Variants in PLPP1 observed in about 807,000 individuals in gnomAD.
The protein encoded by PLPP1 is lipid phosphate phosphohydrolase 1a.
A neutral mutation model predicts 31.2 loss-of-function variants in PLPP1; 24 were observed. That is an observed-to-expected ratio of 0.77 (90% CI 0.56 to 1.08). The LOEUF (loss-of-function observed/expected upper bound fraction) is 1.08, where lower values mean the gene tolerates loss of function less well. Among genes scored for constraint, PLPP1 ranks in the 50% least tolerant of loss-of-function variants. The pLI, the probability that PLPP1 is intolerant of heterozygous loss-of-function variation, is 0.00. For missense variants in PLPP1, 319 were observed against 342.7 expected (o/e 0.93, Z 0.55); for synonymous variants, 146 against 126.3 (o/e 1.16, Z -1.05).
chr5:55,485,132 G>A (rs886282415), intron 1 of PLPP1: 1 of 152,124 alleles, frequency 6.6e-6, no homozygotes, highest in African/African-American at 2.4e-5. Context: ...TACTGAACCT[G>A]ACAGAGTCAC....
At chr5:55,427,778 G>T (rs553228412) in intron 4 of PLPP1, among the ~76,000 whole-genome samples, 18 of 150,924 alleles carry the variant, frequency 1.2e-4, no homozygotes, top group African/African-American at 4.1e-4. Flanking sequence ...ACTTTTTTGG[G>T]GGGGGGGATG....
intron 1 of PLPP1, among the ~76,000 whole-genome samples, chr5:55,513,672 G>C (rs1293552398): frequency 6.6e-6 from 1 of 152,180 alleles, no homozygotes. Context: ...AGGAGTGGTG[G>C]CTAATGCCTG....
intron 1 of PLPP1, among the ~76,000 whole-genome samples, chr5:55,481,803 T>G (rs1752671875): frequency 6.6e-6 from 1 of 152,104 alleles, no homozygotes; most frequent in East Asian, 1.9e-4. Flanking sequence ...AAATTGCTCA[T>G]AAGAATTGAG....
chr5:55,435,138 G>GA (rs1231935740), intron 4 of PLPP1, among the ~76,000 whole-genome samples: 1 of 152,138 alleles, frequency 6.6e-6, no homozygotes, highest in Non-Finnish European at 1.5e-5. Context: ...ATAGGTATAT[G>GA]AAAAAATTCT....
chr5:55,466,146 T>C (rs1273402893), intron 3 of PLPP1, among the ~76,000 whole-genome samples: 2 of 152,194 alleles, frequency 1.3e-5, no homozygotes, highest in Non-Finnish European at 2.9e-5. Context: ...CCTCCTTCAT[T>C]AAGACTTTAC....
intron 1 of PLPP1, among the ~76,000 whole-genome samples, chr5:55,520,282 G>C (rs1192334142): frequency 2.0e-5 from 3 of 152,202 alleles, no homozygotes; most frequent in Non-Finnish European, 4.4e-5. Context: ...TTCCCATCAT[G>C]ATCTGGGCAC....
At chr5:55,518,390 T>G (rs886617541) in intron 1 of PLPP1, among the ~76,000 whole-genome samples, 1 of 151,482 alleles carries the variant, frequency 6.6e-6, no homozygotes, top group Non-Finnish European at 1.5e-5. Flanking sequence ...AAAAAAAAAA[T>G]TGACACCCAG....
At chr5:55,444,788 T>C (rs986741133) in intron 3 of PLPP1, among the ~76,000 whole-genome samples, 1 of 122,166 alleles carries the variant, frequency 8.2e-6, no homozygotes, top group Admixed American at 8.6e-5. Context: ...TCTCGCTCTG[T>C]TACCCAGGCT....
chr5:55,470,907 G>A (rs899295843), intron 2 of PLPP1, among the ~76,000 whole-genome samples: 1 of 152,146 alleles, frequency 6.6e-6, no homozygotes, highest in Non-Finnish European at 1.5e-5. Flanking sequence ...TACTTATGAA[G>A]TTCAAAGCTA....
chr5:55,520,981 G>A (rs1043083817), intron 1 of PLPP1, among the ~76,000 whole-genome samples: 1 of 152,186 alleles, frequency 6.6e-6, no homozygotes, highest in Non-Finnish European at 1.5e-5. Context: ...GGAGGCTGAC[G>A]CAGTAGGATC....
intron 1 of PLPP1, among the ~76,000 whole-genome samples, chr5:55,487,750 A>G (rs970697236): frequency 6.6e-6 from 1 of 152,174 alleles, no homozygotes; most frequent in African/African-American, 2.4e-5. Context: ...AATCTACCCT[A>G]AGAATTTGCA....
chr5:55,448,203 A>G (rs1360423707), intron 3 of PLPP1, among the ~76,000 whole-genome samples: 24 of 152,210 alleles, frequency 1.6e-4, no homozygotes, highest in Admixed American at 1.5e-3. Context: ...TGGCAATGAG[A>G]TATCAGATTA....
intron 1 of PLPP1, among the ~76,000 whole-genome samples, chr5:55,496,650 G>C (rs896279650): frequency 6.6e-6 from 1 of 152,114 alleles, no homozygotes; most frequent in Non-Finnish European, 1.5e-5. Flanking sequence ...TTTCCTATCA[G>C]GGCCATGGGT....
At chr5:55,482,275 A>C in intron 1 of PLPP1, among the ~76,000 whole-genome samples, 2 of 149,204 alleles carry the variant, frequency 1.3e-5, no homozygotes, top group Admixed American at 6.8e-5. Context: ...GTCCCCCCTC[A>C]CCCCCGAAAA....
At chr5:55,448,636 T>C (rs769150218) in intron 3 of PLPP1, among the ~76,000 whole-genome samples, 1 of 152,000 alleles carries the variant, frequency 6.6e-6, no homozygotes, top group Admixed American at 6.6e-5. Flanking sequence ...TTTGTAGAGA[T>C]GGAGTTTCAC....
rs528201029 is a variant in PLPP1, at chr5:55,519,747, C to CAA, written c.58+14823_58+14824dup. On this transcript the variant is annotated intron_variant, in intron 1 of 5. Transcript: ENST00000307259. ...CCTGGACAAAAGCAAAATTCTGTCT[C>CAA]AAAAAAAAAAAAAGAAAAAGAAAAA... 4.0e-3 allele frequency among the ~76,000 whole-genome samples: 487 copies of CAA among 123,042 alleles called. 4 individuals carry two copies. The highest frequency in any genetic ancestry group is 0.014 in the African/African-American group (456 of 33,230). 80.7% of individuals were successfully genotyped at this position (123,042 alleles called of 152,430 possible).
intron 5 of PLPP1, 59 bp downstream of exon 5, chr5:55,425,804 A>G (rs1280641959): frequency 8.7e-6 from 12 of 1,376,928 alleles, no homozygotes; most frequent in Admixed American, 2.8e-5. Context: ...TTTTTTTTCT[A>G]TTTACTTATA....
At chr5:55,533,761 G>GA (rs1740769236) in intron 1 of PLPP1, among the ~76,000 whole-genome samples, 1 of 152,160 alleles carries the variant, frequency 6.6e-6, no homozygotes, top group African/African-American at 2.4e-5. Flanking sequence ...CATAAAAAGT[G>GA]AAAACTACTC....
chr5:55,485,247 T>C (rs1159774118), intron 1 of PLPP1, among the ~76,000 whole-genome samples: 5 of 152,136 alleles, frequency 3.3e-5, no homozygotes, highest in Non-Finnish European at 5.9e-5. Context: ...TGGAGTCTCA[T>C]GCTAACTCCA....
Sources: gnomAD v4.1 joint callset for allele counts (sites outside exome capture counted in the v4.1 genomes callset) on GRCh38, gnomAD v4.1.1 for gene constraint, MANE v1.5 for transcripts, NCBI Gene and HGNC (gene_info 2026-07-23, HGNC 2026-07-21) for gene names.